Variants in HOOK1 observed in about 807,000 individuals in gnomAD.
HOOK1 encodes hook microtubule tethering protein 1.
In HOOK1, 60 loss-of-function variants were observed where a neutral mutation model predicts 112.8. The observed-to-expected ratio is 0.53, with a 90% CI of 0.43 to 0.66. The LOEUF is 0.66. Among genes scored for constraint, HOOK1 ranks in the 30% least tolerant of loss-of-function variants. HOOK1 has a pLI of 0.00. For synonymous variants in HOOK1, 294 were observed against 283.8 expected (o/e 1.04, Z -0.36); for missense variants, 770 against 856.0 (o/e 0.90, Z 1.25).
At chr1:59,855,145 T>C (rs556983535) in intron 12 of HOOK1, among the ~76,000 whole-genome samples, 1 of 152,288 alleles carries the variant, frequency 6.6e-6, no homozygotes, top group Non-Finnish European at 1.5e-5. Flanking sequence ...AAAACAACAC[T>C]TTATTTTAGG....
chr1:59,842,314 G>A (rs1050004257), intron 8 of HOOK1, among the ~76,000 whole-genome samples: 1 of 151,860 alleles, frequency 6.6e-6, no homozygotes, highest in African/African-American at 2.4e-5. Context: ...AGGGTCTTGG[G>A]GGCAGAAACT....
intron 1 of HOOK1, chr1:59,815,489 C>T (rs2098380620): frequency 2.4e-6 from 1 of 410,644 alleles, no homozygotes; most frequent in East Asian, 5.1e-5. Flanking sequence ...AGCACCCATC[C>T]TCTTTTCTCC....
chr1:59,872,747 ACT>A, intron 21 of HOOK1, 46 bp from the exon 22 acceptor site: 2 of 1,279,662 alleles, frequency 1.6e-6, no homozygotes, highest in Non-Finnish European at 2.0e-6. Context: ...CACTCGGCAA[ACT>A]CTGTTTAGTC....
chr1:59,818,115 T>G (rs2101998814), intron 1 of HOOK1, among the ~76,000 whole-genome samples: 1 of 152,280 alleles, frequency 6.6e-6, no homozygotes, highest in Non-Finnish European at 1.5e-5. Context: ...CAGTGGAAAT[T>G]AGTTCTCCAG....
intron 12 of HOOK1, among the ~76,000 whole-genome samples, chr1:59,850,296 T>G (rs991269448): frequency 3.4e-5 from 5 of 148,552 alleles, no homozygotes; most frequent in African/African-American, 1.2e-4. Flanking sequence ...TGATTTGCAG[T>G]TTTTTTTTTC....
chr1:59,850,102 G>A (rs1000675567), intron 12 of HOOK1, among the ~76,000 whole-genome samples: 5 of 151,370 alleles, frequency 3.3e-5, no homozygotes, highest in African/African-American at 1.2e-4. Context: ...TTTTTGATTA[G>A]CATTTCTCTA....
chr1:59,858,901 AAGAG>A, intron 13 of HOOK1, 80 bp from the exon 14 acceptor site: 1 of 656,036 alleles, frequency 1.5e-6, no homozygotes, highest in Non-Finnish European at 2.5e-6. Flanking sequence ...AAGAAAAACA[AAGAG>A]AGGGAGGGGG....
chr1:59,821,731 T>G, intron 1 of HOOK1, 127 bp from the exon 2 acceptor site: 1 of 631,330 alleles, frequency 1.6e-6, no homozygotes, highest in Admixed American at 3.5e-5. Flanking sequence ...GGTCTACATT[T>G]AAACAAAACA....
chr1:59,845,250 T>G (rs2098403083), intron 9 of HOOK1, among the ~76,000 whole-genome samples: 1 of 151,962 alleles, frequency 6.6e-6, no homozygotes, highest in South Asian at 2.1e-4. Context: ...CATAACTTAA[T>G]CACTTCCCAA....
intron 1 of HOOK1, among the ~76,000 whole-genome samples, chr1:59,820,522 T>C (rs1209864249): frequency 6.6e-6 from 1 of 152,218 alleles, no homozygotes; most frequent in East Asian, 1.9e-4. Flanking sequence ...CTCATGTATC[T>C]GTACTTTTAT....
intron 2 of HOOK1, among the ~76,000 whole-genome samples, 185 bp downstream of exon 2, chr1:59,822,128 C>T (rs1156737263): frequency 6.6e-6 from 1 of 152,146 alleles, no homozygotes; most frequent in Non-Finnish European, 1.5e-5. Flanking sequence ...TTATTCCTGG[C>T]TTGTTCATAG....
intron 1 of HOOK1, among the ~76,000 whole-genome samples, chr1:59,820,869 C>T (rs1040837165): frequency 6.6e-6 from 1 of 152,128 alleles, no homozygotes; most frequent in Admixed American, 6.5e-5. Context: ...TAAAGTGTCT[C>T]TGTGTGTTTT....
At position 59,848,457 on chromosome 1, in the gene HOOK1, G is replaced by A; in HGVS notation, c.1072G>A (p.Glu358Lys). The A allele has an allele frequency of 6.2e-7, 1 of 1,610,514 alleles. No homozygotes were observed. The change falls in exon 11 of 22, where the codon GAA becomes AAA. Residue 358 changes from glutamate (E) to lysine (K), a missense_variant. By Grantham distance (56) the Glu-to-Lys change is moderately conservative. Coordinates refer to ENST00000371208, the MANE Select transcript of HOOK1 (RefSeq NM_015888.6). ...MMYMHNTVSL[E>K]EELKKANAAR... ...GTATATGCATAATACAGTCAGCTTA[G>A]AAGAAGAATTAAAAAAAGCAAATGC...
At chr1:59,846,418 C>T (rs1175653283) in intron 9 of HOOK1, among the ~76,000 whole-genome samples, 1 of 151,482 alleles carries the variant, frequency 6.6e-6, no homozygotes, top group Non-Finnish European at 1.5e-5. Context: ...TTTCTTTATA[C>T]TTAACTTTGG....
intron 12 of HOOK1, among the ~76,000 whole-genome samples, chr1:59,851,740 TAG>T (rs1162663965): frequency 6.6e-6 from 1 of 151,688 alleles, no homozygotes; most frequent in Non-Finnish European, 1.5e-5. Flanking sequence ...GTTCTGATCT[TAG>T]GGGAAAAGCA....
chr1:59,865,630 AC>A (rs1643947646), intron 18 of HOOK1, among the ~76,000 whole-genome samples: 1 of 152,148 alleles, frequency 6.6e-6, no homozygotes, highest in African/African-American at 2.4e-5. Flanking sequence ...GAGAAAAAGA[AC>A]TAAATAAAGC....
intron 2 of HOOK1, among the ~76,000 whole-genome samples, chr1:59,823,225 C>T (rs1418324138): frequency 1.3e-5 from 2 of 152,170 alleles, no homozygotes; most frequent in African/African-American, 4.8e-5. Context: ...GAGGCTGAGG[C>T]AGGAGAATGG....
At chr1:59,841,294 T>G (rs1030474013) in intron 8 of HOOK1, among the ~76,000 whole-genome samples, 1 of 152,176 alleles carries the variant, frequency 6.6e-6, no homozygotes, top group Non-Finnish European at 1.5e-5. Context: ...AAATTTGTAG[T>G]TGATTCTCTG....
At chr1:59,843,072 T>A (rs2102035292) in intron 8 of HOOK1, among the ~76,000 whole-genome samples, 1 of 152,056 alleles carries the variant, frequency 6.6e-6, no homozygotes, top group Non-Finnish European at 1.5e-5. Context: ...GACATCATTC[T>A]AAAAATTAGT....
Sources: allele counts gnomAD v4.1 joint callset (sites outside exome capture counted in the v4.1 genomes callset), GRCh38; gene constraint gnomAD v4.1.1; transcripts MANE v1.5; gene names NCBI Gene and HGNC (gene_info 2026-07-23, HGNC 2026-07-21).